FOXO3: variants seen among roughly 807,000 people sequenced by gnomAD.
FOXO3 encodes the protein forkhead box O3.
FOXO3 carries 4 observed loss-of-function variants against 41.9 expected under a neutral mutation model. The observed-to-expected ratio is 0.10, with a 90% confidence interval of 0.05 to 0.22. The LOEUF (loss-of-function observed/expected upper bound fraction) is 0.22, where lower values mean the gene tolerates loss of function less well. Ranked by LOEUF, FOXO3 falls within the 10% of genes least tolerant of loss-of-function variation. The probability of loss-of-function intolerance (pLI) is 1.00; values close to 1 mark genes in which losing one functional copy is unlikely to be tolerated. For synonymous variants in FOXO3, 318 were observed against 389.3 expected (o/e 0.82, Z 2.16); for missense variants, 534 against 906.8 (o/e 0.59, Z 5.28).
intron 1 of FOXO3, among the ~76,000 whole-genome samples, chr6:108,640,605 G>A (rs1354624479): frequency 6.6e-6 from 1 of 152,028 alleles, no homozygotes; most frequent in Non-Finnish European, 1.5e-5. Flanking sequence ...GAACATTTTA[G>A]CATTTGTTTT....
At chr6:108,595,160 C>A (rs534552251) in intron 1 of FOXO3, among the ~76,000 whole-genome samples, 12 of 152,298 alleles carry the variant, frequency 7.9e-5, no homozygotes, top group African/African-American at 2.9e-4. Flanking sequence ...AAAAACTCAT[C>A]AAGCTACAGG....
intron 1 of FOXO3, among the ~76,000 whole-genome samples, chr6:108,571,803 T>C (rs900531809): frequency 1.3e-5 from 2 of 152,166 alleles, no homozygotes; most frequent in Admixed American, 1.3e-4. Context: ...TAATTCGTTA[T>C]GGCAGTCCTA....
chr6:108,633,843 A>T (rs1460109141), intron 1 of FOXO3, among the ~76,000 whole-genome samples: 2 of 116,628 alleles, frequency 1.7e-5, no homozygotes, highest in Non-Finnish European at 3.3e-5. Flanking sequence ...GAAGTCAATT[A>T]AAAAAAAAAA....
At chr6:108,602,856 A>G (rs972822209) in intron 1 of FOXO3, among the ~76,000 whole-genome samples, 7 of 152,168 alleles carry the variant, frequency 4.6e-5, no homozygotes, top group African/African-American at 1.7e-4. Flanking sequence ...TGCTAAGACA[A>G]GGTAGAGTAG....
Position 108,682,715 on chromosome 6 carries a change from G to T in FOXO3, c.*2923G>T, listed in dbSNP as rs1389363128. Reference sequence around the variant, plus strand: ...CCACCATGTCACATTCTGAGTGAGTGTCACAGGTCCCTAACAATAATTTTC... The same window carrying T: ...CCACCATGTCACATTCTGAGTGAGTTTCACAGGTCCCTAACAATAATTTTC... On this transcript the variant is annotated 3_prime_UTR_variant, in exon 3 of 3. Transcript: ENST00000406360. 2.0e-5 allele frequency: 3 copies of T among 152,268 alleles called. No individual in the cohort carries two copies. The South Asian group carries it at 6.2e-4, about 31-fold the overall frequency. 9.4% of individuals were successfully genotyped at this position (152,268 alleles called of 1,614,324 possible). A position where few individuals can be genotyped will look rare whatever the true frequency, so the allele number is the denominator to read the frequency against.
intron 1 of FOXO3, among the ~76,000 whole-genome samples, chr6:108,616,295 G>C (rs1351434672): frequency 6.6e-6 from 1 of 150,964 alleles, no homozygotes; most frequent in East Asian, 2.0e-4. Flanking sequence ...CTCCCGAGTA[G>C]CTGGGACTAC....
At chr6:108,596,613 A>G (rs1342911471) in intron 1 of FOXO3, among the ~76,000 whole-genome samples, 1 of 152,190 alleles carries the variant, frequency 6.6e-6, no homozygotes, top group African/African-American at 2.4e-5. Flanking sequence ...CATTTAGAGG[A>G]AAGTGGAAGG....
intron 1 of FOXO3, among the ~76,000 whole-genome samples, chr6:108,581,650 T>C (rs1776423314): frequency 6.6e-6 from 1 of 152,190 alleles, no homozygotes; most frequent in Non-Finnish European, 1.5e-5. Context: ...AAAGTTATTT[T>C]GTGGTTTTGG....
chr6:108,579,419 T>G (rs929048956), intron 1 of FOXO3, among the ~76,000 whole-genome samples: 1 of 152,162 alleles, frequency 6.6e-6, no homozygotes, highest in Non-Finnish European at 1.5e-5. Context: ...GGGACTTCTG[T>G]CTGGGGTCAG....
At chr6:108,597,860 A>G (rs903292226) in intron 1 of FOXO3, among the ~76,000 whole-genome samples, 1 of 152,202 alleles carries the variant, frequency 6.6e-6, no homozygotes, top group Non-Finnish European at 1.5e-5. Flanking sequence ...TGTATCACAG[A>G]GTTCATCACA....
intron 1 of FOXO3, among the ~76,000 whole-genome samples, chr6:108,638,321 G>A (rs1778171499): frequency 6.6e-6 from 1 of 152,200 alleles, no homozygotes; most frequent in African/African-American, 2.4e-5. Context: ...GCCTATCAAG[G>A]TTTGTCCAAG....
At chr6:108,581,813 A>T (rs1582743703) in intron 1 of FOXO3, among the ~76,000 whole-genome samples, 1 of 152,326 alleles carries the variant, frequency 6.6e-6, no homozygotes, top group Non-Finnish European at 1.5e-5. Context: ...AAGGAACGAG[A>T]GGAAAGAAAT....
rs1336554405 is a variant in FOXO3, at chr6:108,681,250, T to C, written c.*1458T>C. ...GATTAGCACAGTATATGCATACTTC[T>C]CCAAAGTGATATATGAAGACTCTTT... On this transcript the variant is annotated 3_prime_UTR_variant, in exon 3 of 3. Transcript: ENST00000406360. 1 of 152,680 alleles carries C rather than the reference T, an allele frequency of 6.5e-6. No homozygotes were observed. The highest frequency in any genetic ancestry group is 1.5e-5 in the Non-Finnish European group (1 of 68,048). The allele number at this position is 152,680 out of a possible 1,614,324, so 9.5% of individuals were successfully genotyped here.
chr6:108,623,332 A>G (rs776834940), intron 1 of FOXO3, among the ~76,000 whole-genome samples: 18 of 152,176 alleles, frequency 1.2e-4, no homozygotes, highest in Non-Finnish European at 2.5e-4. Context: ...GGGTGAGTAG[A>G]AGATACTGTG....
intron 2 of FOXO3, among the ~76,000 whole-genome samples, chr6:108,672,195 G>A (rs994065196): frequency 1.3e-5 from 2 of 152,204 alleles, no homozygotes; most frequent in African/African-American, 4.8e-5. Flanking sequence ...GTCCCTCTTA[G>A]GGCTGTCTTG....
intron 1 of FOXO3, among the ~76,000 whole-genome samples, chr6:108,648,041 G>A (rs1021740048): frequency 5.3e-5 from 8 of 152,142 alleles, no homozygotes; most frequent in Admixed American, 2.0e-4. Flanking sequence ...CTACATTCAC[G>A]ACACTTTACA....
At chr6:108,618,065 G>A (rs1414281532) in intron 1 of FOXO3, 1 of 721,302 alleles carries the variant, frequency 1.4e-6, no homozygotes, top group Non-Finnish European at 2.6e-6. Context: ...ATTTCCAACT[G>A]TACAGGTGTG....
chr6:108,566,793 C>A (rs1023602526), intron 1 of FOXO3, among the ~76,000 whole-genome samples: 1 of 152,180 alleles, frequency 6.6e-6, no homozygotes, highest in Non-Finnish European at 1.5e-5. Context: ...CCTGAAGAGC[C>A]ACTTTACCTT....
intron 1 of FOXO3, among the ~76,000 whole-genome samples, chr6:108,565,638 TCTG>T (rs137997620): frequency 0.016 from 2,435 of 152,256 alleles, 65 homozygotes; most frequent in African/African-American, 0.056. Context: ...TGTTAAGATT[TCTG>T]CTGCTGCTGC....
Sources: gnomAD v4.1 joint callset for allele counts (sites outside exome capture counted in the v4.1 genomes callset) on GRCh38, gnomAD v4.1.1 for gene constraint, MANE v1.5 for transcripts, NCBI Gene and HGNC (gene_info 2026-07-23, HGNC 2026-07-21) for gene names.